Variants in DOCK1 observed in about 807,000 individuals in gnomAD.
DOCK1 encodes dedicator of cytokinesis protein 1.
Under a neutral mutation model 262.7 loss-of-function variants are expected in DOCK1, and 138 were observed. The ratio of observed to expected loss-of-function variants is 0.53; its 90% CI spans 0.46 to 0.61. DOCK1 has a LOEUF of 0.61. Among genes scored for constraint, DOCK1 ranks in the 20% least tolerant of loss-of-function variants. The pLI, the probability that DOCK1 is intolerant of heterozygous loss-of-function variation, is 0.00. For missense variants in DOCK1, 1,908 were observed against 2,370.7 expected, an observed-to-expected ratio of 0.80 and a Z score of 4.05; for synonymous variants, 866 against 867.4, an observed-to-expected ratio of 1.00 and a Z score of 0.03.
chr10:127,233,220 T>A (rs1407682186), intron 27 of DOCK1, among the ~76,000 whole-genome samples: 1 of 152,230 alleles, frequency 6.6e-6, no homozygotes. Flanking sequence ...GTATGATCAA[T>A]GCTAAGTGTT....
At chr10:127,181,599 C>T (rs538421172) in intron 27 of DOCK1, among the ~76,000 whole-genome samples, 1 of 152,196 alleles carries the variant, frequency 6.6e-6, no homozygotes, top group Non-Finnish European at 1.5e-5. Flanking sequence ...TCTCACTGTT[C>T]AGACACCTTG....
chr10:127,077,814 A>G (rs1217957031), intron 23 of DOCK1, among the ~76,000 whole-genome samples: 1 of 151,996 alleles, frequency 6.6e-6, no homozygotes, highest in Non-Finnish European at 1.5e-5. Flanking sequence ...CACTGAAACC[A>G]CCAGTTAAGG....
chr10:127,427,217 C>T (rs954729447), intron 47 of DOCK1, among the ~76,000 whole-genome samples: 3 of 152,260 alleles, frequency 2.0e-5, no homozygotes, highest in South Asian at 2.1e-4. Flanking sequence ...TTCAACTCCC[C>T]GGCAAAAGGA....
chr10:127,042,950 A>G (rs1246184452), intron 20 of DOCK1, 114 bp from the exon 21 acceptor site: 1 of 909,590 alleles, frequency 1.1e-6, no homozygotes. Flanking sequence ...ACCAACTTCT[A>G]TCTGAAAATG....
At chr10:127,049,904 C>G (rs2044599447) in intron 21 of DOCK1, among the ~76,000 whole-genome samples, 1 of 149,886 alleles carries the variant, frequency 6.7e-6, no homozygotes, top group Non-Finnish European at 1.5e-5. Context: ...AGAACAGATT[C>G]ACAATAGACC....
At chr10:127,407,072 T>A (rs1462404321) in intron 40 of DOCK1, among the ~76,000 whole-genome samples, 1 of 152,092 alleles carries the variant, frequency 6.6e-6, no homozygotes, top group Non-Finnish European at 1.5e-5. Flanking sequence ...TCTTCCATAA[T>A]GGTACTTCTA....
chr10:127,213,988 C>A (rs954400892), intron 27 of DOCK1, among the ~76,000 whole-genome samples: 3 of 152,216 alleles, frequency 2.0e-5, no homozygotes, highest in Admixed American at 2.0e-4. Context: ...TACAGGCACC[C>A]GCCACCATGC....
chr10:127,235,117 T>C (rs913195479), intron 27 of DOCK1, among the ~76,000 whole-genome samples: 1 of 150,056 alleles, frequency 6.7e-6, no homozygotes, highest in African/African-American at 2.4e-5. Flanking sequence ...ACTTTAAACA[T>C]TATATACTTT....
chr10:127,066,337 G>T (rs9418733), intron 23 of DOCK1, among the ~76,000 whole-genome samples: 35,181 of 151,116 alleles, frequency 0.23, 4,167 homozygotes, highest in South Asian at 0.34. Flanking sequence ...CCAGTTCTTC[G>T]TCTTGAAATT....
intron 28 of DOCK1, among the ~76,000 whole-genome samples, chr10:127,251,422 G>A (rs994257457): frequency 2.0e-5 from 3 of 150,806 alleles, no homozygotes; most frequent in Non-Finnish European, 4.4e-5. Flanking sequence ...GTGTACATGT[G>A]CACAATGTGC....
intron 46 of DOCK1, among the ~76,000 whole-genome samples, chr10:127,421,849 C>T (rs78568778): frequency 3.0e-3 from 451 of 152,278 alleles, no homozygotes; most frequent in African/African-American, 9.4e-3. Context: ...AGGGCTAGAC[C>T]GCAATGTGTT....
chr10:126,949,129 C>T (rs1224967392), intron 1 of DOCK1, among the ~76,000 whole-genome samples: 4 of 152,206 alleles, frequency 2.6e-5, no homozygotes, highest in Non-Finnish European at 5.9e-5. Flanking sequence ...GCCTGCCTGG[C>T]ACTCTGGGTT....
chr10:127,152,200 G>A (rs2052566376), intron 27 of DOCK1, among the ~76,000 whole-genome samples: 1 of 152,134 alleles, frequency 6.6e-6, no homozygotes, highest in Admixed American at 6.5e-5. Flanking sequence ...TCTACACTCT[G>A]CACTTCCTAA....
At chr10:127,251,447 T>C (rs955379015) in intron 28 of DOCK1, among the ~76,000 whole-genome samples, 3 of 151,632 alleles carry the variant, frequency 2.0e-5, no homozygotes, top group Non-Finnish European at 2.9e-5. Flanking sequence ...TAGTTACATA[T>C]GTATACATGT....
intron 32 of DOCK1, among the ~76,000 whole-genome samples, chr10:127,355,579 A>G (rs1404697552): frequency 2.0e-5 from 3 of 152,028 alleles, no homozygotes; most frequent in Non-Finnish European, 4.4e-5. Flanking sequence ...CCTTCCTTCA[A>G]ATGGACACGA....
chr10:126,966,903 C>T (rs996216501), intron 1 of DOCK1, among the ~76,000 whole-genome samples: 15 of 152,342 alleles, frequency 9.8e-5, no homozygotes, highest in African/African-American at 2.2e-4. Context: ...CTAGCTTCTA[C>T]GCTGGAGTCT....
intron 29 of DOCK1, among the ~76,000 whole-genome samples, chr10:127,306,628 G>T (rs1365681432): frequency 6.6e-6 from 1 of 152,160 alleles, no homozygotes; most frequent in African/African-American, 2.4e-5. Context: ...CCCCTATTCA[G>T]CATTACATCA....
intron 27 of DOCK1, chr10:127,146,233 A>G (rs2051838267): frequency 8.4e-6 from 2 of 239,180 alleles, no homozygotes; most frequent in South Asian, 9.1e-5. Flanking sequence ...CTATCAGTAT[A>G]ATTAGCCTTT....
chr10:127,439,152 A>G lies in DOCK1; in HGVS notation c.5186A>G (p.Glu1729Gly). 6.2e-7 allele frequency: 1 copy of G among 1,608,742 alleles called. No individual in the cohort carries two copies. Among genetic ancestry groups the G allele is most frequent in the Non-Finnish European group, 8.5e-7 (1 of 1,177,652 alleles). ...KKEKRNSKHQ[E>G]IFEKEFKPTD... is the part of the protein sequence containing the mutation. ...GAAAAAAGGAACAGCAAACATCAAG[A>G]GATATTTGAGAAAGAATTTAAACCC... The change falls in exon 49 of 52, where the codon GAG (glutamate) becomes GGG (glycine). Residue 1729 changes from glutamate to glycine, a missense_variant. Coordinates refer to ENST00000623213, the MANE Select transcript of DOCK1 (RefSeq NM_001290223.2).
Sources: gnomAD v4.1 joint callset for allele counts (sites outside exome capture counted in the v4.1 genomes callset) on GRCh38, gnomAD v4.1.1 for gene constraint, MANE v1.5 for transcripts, NCBI Gene and HGNC (gene_info 2026-07-23, HGNC 2026-07-21) for gene names.